SDHAF3: variants seen among roughly 807,000 people sequenced by gnomAD.
SDHAF3 encodes the protein succinate dehydrogenase complex assembly factor 3.
A neutral mutation model predicts 11.5 loss-of-function variants in SDHAF3; 18 were observed. The observed-to-expected ratio is 1.56, with a 90% CI of 1.08 to 2.32. The LOEUF is 2.32. Among genes scored for constraint, SDHAF3 ranks in the 30% most tolerant of loss-of-function variants. SDHAF3 has a pLI of 0.00. For synonymous variants in SDHAF3, 72 were observed against 59.3 expected (o/e 1.21, Z -0.99); for missense variants, 200 against 154.4 (o/e 1.30, Z -1.57).
In SDHAF3 at chr7:97,181,571, G is replaced by T; in HGVS notation, c.*356G>T. The T allele has an allele frequency of 1.2e-5, 2 of 163,112 alleles. No homozygotes were observed. Among genetic ancestry groups the T allele is most frequent in the South Asian group, 1.7e-4 (1 of 5,832 alleles). 10.1% of individuals were successfully genotyped at this position (163,112 alleles called of 1,614,324 possible). ...AATGATAGATGTACAATTCCAACAAGGTTATTATTTTTTAAATACATTGTC... is the reference window on the plus strand; with the variant it reads ...AATGATAGATGTACAATTCCAACAATGTTATTATTTTTTAAATACATTGTC... On this transcript the variant is annotated 3_prime_UTR_variant, in exon 2 of 2. Transcript: ENST00000432641.
At chr7:97,174,109 G>A (rs1181717078) in intron 1 of SDHAF3, among the ~76,000 whole-genome samples, 3 of 151,746 alleles carry the variant, frequency 2.0e-5, no homozygotes, top group Admixed American at 1.3e-4. Flanking sequence ...ATTAGAGACA[G>A]GGTTTCACCA....
chr7:97,159,164 T>G (rs1412376144), intron 1 of SDHAF3, among the ~76,000 whole-genome samples: 1 of 152,186 alleles, frequency 6.6e-6, no homozygotes, highest in Non-Finnish European at 1.5e-5. Flanking sequence ...AATTCCAAAG[T>G]CTTAGTGGCT....
chr7:97,175,901 G>T (rs1789671991), intron 1 of SDHAF3, among the ~76,000 whole-genome samples: 1 of 152,132 alleles, frequency 6.6e-6, no homozygotes, highest in Non-Finnish European at 1.5e-5. Flanking sequence ...GTGTATTCTG[G>T]AGAGGCCTAA....
intron 1 of SDHAF3, among the ~76,000 whole-genome samples, chr7:97,173,697 C>T (rs375447549): frequency 6.6e-5 from 10 of 151,566 alleles, no homozygotes; most frequent in African/African-American, 1.9e-4. Context: ...GGACTACAGG[C>T]GCCCACCACC....
intron 1 of SDHAF3, among the ~76,000 whole-genome samples, chr7:97,153,363 A>T (rs1481315908): frequency 6.6e-6 from 1 of 152,080 alleles, no homozygotes; most frequent in Non-Finnish European, 1.5e-5. Flanking sequence ...TAAGTTTCCT[A>T]TGTGTCTTTT....
chr7:97,168,928 C>T (rs753008518), intron 1 of SDHAF3, among the ~76,000 whole-genome samples: 7 of 151,396 alleles, frequency 4.6e-5, no homozygotes, highest in East Asian at 3.9e-4. Context: ...CTCTGGGTAA[C>T]GTGAAATGTG....
In SDHAF3 at chr7:97,181,032, G is replaced by C. The variant is rs1789764952; in HGVS notation, c.195G>C (p.Leu65Phe). The C allele has an allele frequency of 6.2e-7, 1 of 1,613,814 alleles. No homozygotes were observed. The highest frequency in any genetic ancestry group is 8.5e-7 in the Non-Finnish European group (1 of 1,179,858). ...QEWEVYATAL[L>F]QQANENRQNS... ...TTTAGGTGTATGCAACAGCGTTATT[G>C]CAACAGGCTAACGAAAACAGACAAA... The change falls in exon 2 of 2, where the codon TTG (leucine) becomes TTC (phenylalanine). Residue 65 changes from leucine to phenylalanine, a missense_variant. Leu to Phe is a conservative substitution (Grantham distance 22, BLOSUM62 0). Transcript: ENST00000432641.
intron 1 of SDHAF3, among the ~76,000 whole-genome samples, chr7:97,152,533 C>G (rs1228902681): frequency 6.6e-6 from 1 of 152,146 alleles, no homozygotes; most frequent in African/African-American, 2.4e-5. Context: ...AAAAATATGT[C>G]AAACATCAGT....
chr7:97,131,409 A>G (rs963291461), intron 1 of SDHAF3, among the ~76,000 whole-genome samples: 3 of 152,172 alleles, frequency 2.0e-5, no homozygotes, highest in South Asian at 2.1e-4. Context: ...TGATATTTCT[A>G]TTTGAAAGAT....
intron 1 of SDHAF3, among the ~76,000 whole-genome samples, chr7:97,135,907 T>C (rs528232844): frequency 1.3e-5 from 2 of 151,718 alleles, no homozygotes; most frequent in Admixed American, 1.3e-4. Flanking sequence ...CAGGATGGTC[T>C]CGATCTCCTG....
At chr7:97,164,290 AAAT>A (rs1291665523) in intron 1 of SDHAF3, among the ~76,000 whole-genome samples, 1 of 151,540 alleles carries the variant, frequency 6.6e-6, no homozygotes, top group Non-Finnish European at 1.5e-5. Flanking sequence ...TGCGGTGACA[AAAT>A]CAGGCTTATG....
intron 1 of SDHAF3, among the ~76,000 whole-genome samples, chr7:97,121,858 TTTTTTTTTTTG>T (rs1791503270): frequency 1.4e-5 from 2 of 140,590 alleles, no homozygotes; most frequent in Admixed American, 6.9e-5. Flanking sequence ...TTTTTTGTTT[TTTTTTTTTTTG>T]TTTTTGAGAT....
chr7:97,165,208 A>C (rs1360792003), intron 1 of SDHAF3, among the ~76,000 whole-genome samples: 4 of 152,192 alleles, frequency 2.6e-5, no homozygotes, highest in African/African-American at 9.6e-5. Flanking sequence ...AATGGCGTGA[A>C]CCCAGGAGGC....
chr7:97,120,205 C>T (rs1191837527), intron 1 of SDHAF3, among the ~76,000 whole-genome samples: 1 of 152,058 alleles, frequency 6.6e-6, no homozygotes, highest in Non-Finnish European at 1.5e-5. Flanking sequence ...CCTGTCTTCC[C>T]CGACCATTGT....
intron 1 of SDHAF3, among the ~76,000 whole-genome samples, chr7:97,141,103 C>A (rs1296731590): frequency 2.6e-5 from 4 of 152,160 alleles, no homozygotes; most frequent in African/African-American, 9.7e-5. Context: ...GCCCCGGTCT[C>A]CCATAGCACT....
chr7:97,141,470 C>A (rs1438524020), intron 1 of SDHAF3, among the ~76,000 whole-genome samples: 1 of 152,150 alleles, frequency 6.6e-6, no homozygotes, highest in Non-Finnish European at 1.5e-5. Context: ...TTTAAAATTT[C>A]TCTCTTTTGT....
In SDHAF3 at chr7:97,177,405, G is replaced by A. The variant is rs1584236817; in HGVS notation, c.175-3607G>A. On this transcript the variant is annotated intron_variant, in intron 1 of 1. Transcript: ENST00000432641. ...TAGTCCCATCTGCTGGGGAGGCTGA[G>A]GCAGGAGAATTGTGTGAACCCGGGA... Among the ~76,000 whole-genome samples, 3 of 152,196 alleles carry A rather than the reference G, an allele frequency of 2.0e-5. No individual in the cohort carries two copies. The East Asian group carries it at 5.8e-4, about 30-fold the overall frequency.
chr7:97,166,590 C>G (rs1789509167), intron 1 of SDHAF3, among the ~76,000 whole-genome samples: 1 of 152,132 alleles, frequency 6.6e-6, no homozygotes, highest in Non-Finnish European at 1.5e-5. Context: ...TTTAAGGTTT[C>G]TGTTTTAATG....
intron 1 of SDHAF3, among the ~76,000 whole-genome samples, chr7:97,152,647 A>G (rs1034527052): frequency 1.9e-4 from 29 of 151,270 alleles, no homozygotes; most frequent in African/African-American, 7.0e-4. Context: ...TTGTTTATTT[A>G]TTTATTTATT....
Sources: allele counts gnomAD v4.1 joint callset (sites outside exome capture counted in the v4.1 genomes callset), GRCh38; gene constraint gnomAD v4.1.1; transcripts MANE v1.5; gene names NCBI Gene and HGNC (gene_info 2026-07-23, HGNC 2026-07-21).